Variants in HS2ST1 observed in about 807,000 individuals in gnomAD.
The protein encoded by HS2ST1 is 2-O-sulfotransferase.
In HS2ST1, 18 loss-of-function variants were observed where a neutral mutation model predicts 42.9. The observed-to-expected ratio is 0.42, with a 90% CI of 0.29 to 0.62. The LOEUF (loss-of-function observed/expected upper bound fraction) is 0.62, where lower values mean the gene tolerates loss of function less well. Ranked by LOEUF, HS2ST1 falls within the 20% of genes least tolerant of loss-of-function variation. The probability of loss-of-function intolerance (pLI) is 0.21; values close to 1 mark genes in which losing one functional copy is unlikely to be tolerated. For synonymous variants in HS2ST1, 146 were observed against 152.9 expected, an observed-to-expected ratio of 0.95 and a Z score of 0.33; for missense variants, 334 against 433.8, an observed-to-expected ratio of 0.77 and a Z score of 2.04.
In HS2ST1 at chr1:87,037,690, T is replaced by C. The variant is rs917619145; in HGVS notation, c.125-35244T>C. On this transcript the variant is annotated intron_variant, in intron 1 of 6. Coordinates refer to ENST00000370550, the MANE Select transcript of HS2ST1 (RefSeq NM_012262.4). Reference sequence around the variant, plus strand: ...TTGGGTATGTATGTTCCTAGTACTTTTTTGGTATTTTTACTCATTTGTGTA... The same window carrying C: ...TTGGGTATGTATGTTCCTAGTACTTCTTTGGTATTTTTACTCATTTGTGTA... 3.3e-5 allele frequency among the ~76,000 whole-genome samples: 5 copies of C among 152,014 alleles called. No homozygotes were observed. In the South Asian group the frequency reaches 8.3e-4, roughly 25 times the overall value.
At chr1:87,020,915 C>A (rs1290009001) in intron 1 of HS2ST1, among the ~76,000 whole-genome samples, 1 of 152,174 alleles carries the variant, frequency 6.6e-6, no homozygotes, top group African/African-American at 2.4e-5. Flanking sequence ...TCTAAATGAA[C>A]CATGACCATA....
intron 1 of HS2ST1, among the ~76,000 whole-genome samples, chr1:86,958,922 G>C (rs1034463624): frequency 6.6e-6 from 1 of 152,146 alleles, no homozygotes. Flanking sequence ...GGTATGCAAG[G>C]CTGGTTCAAC....
At chr1:86,970,776 TTTA>T (rs1648209909) in intron 1 of HS2ST1, among the ~76,000 whole-genome samples, 2 of 152,178 alleles carry the variant, frequency 1.3e-5, no homozygotes, top group African/African-American at 4.8e-5. Flanking sequence ...ATGGCCTTTG[TTTA>T]TTATTTATGA....
intron 3 of HS2ST1, among the ~76,000 whole-genome samples, chr1:87,085,208 T>A (rs1651792833): frequency 6.6e-6 from 1 of 152,164 alleles, no homozygotes; most frequent in Admixed American, 6.5e-5. Flanking sequence ...AAAAATTTTT[T>A]TTATTATTTA....
At chr1:87,001,233 C>A (rs1649275693) in intron 1 of HS2ST1, among the ~76,000 whole-genome samples, 1 of 152,036 alleles carries the variant, frequency 6.6e-6, no homozygotes, top group African/African-American at 2.4e-5. Context: ...ACAGGCTACT[C>A]CTCATAATCC....
At chr1:87,082,162 T>G (rs2764426) in intron 2 of HS2ST1, among the ~76,000 whole-genome samples, 2 of 152,040 alleles carry the variant, frequency 1.3e-5, no homozygotes, top group Admixed American at 1.3e-4. Context: ...AAATGAGAAG[T>G]CTTGCAGTAG....
At chr1:86,948,720 T>C (rs1470635704) in intron 1 of HS2ST1, among the ~76,000 whole-genome samples, 1 of 152,220 alleles carries the variant, frequency 6.6e-6, no homozygotes, top group Non-Finnish European at 1.5e-5. Flanking sequence ...ATTAGAAGTT[T>C]CCATTAACTA....
intron 1 of HS2ST1, among the ~76,000 whole-genome samples, chr1:87,055,063 G>A (rs1003020073): frequency 6.6e-6 from 1 of 152,120 alleles, no homozygotes; most frequent in Non-Finnish European, 1.5e-5. Context: ...GGGGCTGGGA[G>A]GGAACAGATG....
intron 1 of HS2ST1, among the ~76,000 whole-genome samples, chr1:86,941,774 C>CA (rs1485981881): frequency 9.9e-5 from 15 of 151,818 alleles, no homozygotes; most frequent in Non-Finnish European, 5.9e-5. Flanking sequence ...GAATCCATCT[C>CA]AAAAAAACAA....
chr1:87,014,202 A>T lies in HS2ST1; in HGVS notation c.125-58732A>T, dbSNP rs115564162. Among the ~76,000 whole-genome samples the T allele has an allele frequency of 5.3e-3, 805 of 152,338 alleles. 10 individuals carry two copies. The highest frequency in any genetic ancestry group is 0.018 in the African/African-American group (763 of 41,572). On this transcript the variant is annotated intron_variant, in intron 1 of 6. Transcript: ENST00000370550. ...AATAAAGACATACCCGAGACTGGTC[A>T]TTTATAAAGGAAAGAGGTTTAATGG...
chr1:87,038,012 G>A (rs1276750134), intron 1 of HS2ST1, among the ~76,000 whole-genome samples: 1 of 151,978 alleles, frequency 6.6e-6, no homozygotes, highest in East Asian at 1.9e-4. Flanking sequence ...ATATGACAGT[G>A]AAAATCTTTA....
At chr1:86,993,272 AG>A (rs1284855343) in intron 1 of HS2ST1, 3 of 992,716 alleles carry the variant, frequency 3.0e-6, no homozygotes, top group South Asian at 3.6e-5. Flanking sequence ...AGGATTTGGC[AG>A]GGGGGTACCC....
chr1:86,931,583 G>A (rs1660541349), intron 1 of HS2ST1, among the ~76,000 whole-genome samples: 1 of 152,048 alleles, frequency 6.6e-6, no homozygotes, highest in Non-Finnish European at 1.5e-5. Flanking sequence ...AACAAGGATA[G>A]TTTGGGAAGA....
intron 1 of HS2ST1, among the ~76,000 whole-genome samples, chr1:86,979,212 T>C (rs1343174964): frequency 6.6e-6 from 1 of 152,214 alleles, no homozygotes; most frequent in East Asian, 1.9e-4. Context: ...AAAATATACG[T>C]AAAACTTGTC....
chr1:87,019,852 T>C (rs568451893), intron 1 of HS2ST1, among the ~76,000 whole-genome samples: 2 of 152,328 alleles, frequency 1.3e-5, no homozygotes, highest in African/African-American at 2.4e-5. Context: ...AATACTACAA[T>C]TTGATGACAG....
chr1:87,013,828 C>T (rs1453651226), intron 1 of HS2ST1, among the ~76,000 whole-genome samples: 1 of 152,208 alleles, frequency 6.6e-6, no homozygotes, highest in African/African-American at 2.4e-5. Context: ...ATTTCTTCCA[C>T]CAGATACCCT....
At chr1:87,047,403 T>C (rs1650711004) in intron 1 of HS2ST1, among the ~76,000 whole-genome samples, 1 of 152,174 alleles carries the variant, frequency 6.6e-6, no homozygotes, top group Non-Finnish European at 1.5e-5. Flanking sequence ...TTTTCATTTC[T>C]GTATCTTTTA....
At chr1:87,067,478 A>G (rs1651284195) in intron 1 of HS2ST1, among the ~76,000 whole-genome samples, 2 of 152,178 alleles carry the variant, frequency 1.3e-5, no homozygotes, top group Admixed American at 6.5e-5. Flanking sequence ...GCCCTTTGTC[A>G]GATGGGTAGA....
chr1:86,966,907 T>C (rs984355587), intron 1 of HS2ST1, among the ~76,000 whole-genome samples: 28 of 152,022 alleles, frequency 1.8e-4, no homozygotes, highest in Admixed American at 4.6e-4. Flanking sequence ...TTTTTTTTTT[T>C]TGAGGCGGAA....
Sources: allele counts gnomAD v4.1 joint callset (sites outside exome capture counted in the v4.1 genomes callset), GRCh38; gene constraint gnomAD v4.1.1; transcripts MANE v1.5; gene names NCBI Gene and HGNC (gene_info 2026-07-23, HGNC 2026-07-21).